The following REL variants were observed in gnomAD, a reference collection of about 807,000 sequenced individuals.
The protein encoded by REL is proto-oncogene c-Rel.
REL carries 15 observed loss-of-function variants against 45.9 expected under a neutral mutation model. The observed-to-expected ratio is 0.33, with a 90% CI of 0.22 to 0.50. The LOEUF (loss-of-function observed/expected upper bound fraction) is 0.50, where lower values mean the gene tolerates loss of function less well. Among genes scored for constraint, REL ranks in the 20% least tolerant of loss-of-function variants. The pLI, the probability that REL is intolerant of heterozygous loss-of-function variation, is 0.98. For synonymous variants in REL, 239 were observed against 242.1 expected, an observed-to-expected ratio of 0.99 and a Z score of 0.12; for missense variants, 601 against 715.2, an observed-to-expected ratio of 0.84 and a Z score of 1.82.
intron 3 of REL, among the ~76,000 whole-genome samples, chr2:60,897,847 C>G (rs893118561): frequency 1.4e-5 from 2 of 142,512 alleles, no homozygotes; most frequent in Non-Finnish European, 3.0e-5. Flanking sequence ...GGCAACAGAG[C>G]GAGATTGTAT....
In REL at chr2:60,921,708, G is replaced by A. The variant is rs148496975; in HGVS notation, c.992-55G>A. 6.8e-4 allele frequency: 995 copies of A among 1,457,452 alleles called. 8 individuals are homozygous for A. The African/African-American group carries it at 0.012, about 17-fold the overall frequency. The allele number at this position is 1,457,452 out of a possible 1,614,324, so 90.3% of individuals were successfully genotyped here. A position where few individuals can be genotyped will look rare whatever the true frequency, so the allele number is the denominator to read the frequency against. ...GCTTATGCAATTTTAATTTAGAAAT[G>A]CTTTTTATAATTTTGTTCATTTTAA... On this transcript the variant is annotated intron_variant, in intron 9 of 9. Coordinates refer to ENST00000394479, the MANE Select transcript of REL (RefSeq NM_001291746.2).
Position 60,930,971 on chromosome 2 carries a change from T to C in REL, c.*8436T>C, listed in dbSNP as rs866032309. 6.6e-6 allele frequency: 1 copy of C among 152,372 alleles called. No individual in the cohort carries two copies. Among genetic ancestry groups the C allele is most frequent in the African/African-American group, 2.4e-5 (1 of 41,470 alleles). 9.4% of individuals were successfully genotyped at this position (152,372 alleles called of 1,614,324 possible). A position where few individuals can be genotyped will look rare whatever the true frequency, so the allele number is the denominator to read the frequency against. On this transcript the variant is annotated 3_prime_UTR_variant, in exon 10 of 10. Transcript: ENST00000394479. ...GGGAAATCAGCAAGTAAATGAAATA[T>C]AAATTTTTGGTAAAAGTATCAAACA...
chr2:60,896,641 A>G (rs1441983267), intron 3 of REL, among the ~76,000 whole-genome samples: 3 of 152,206 alleles, frequency 2.0e-5, no homozygotes, highest in Admixed American at 6.5e-5. Context: ...CTAGTATTAT[A>G]CACACTTGGC....
rs1263267754 is a variant in REL at position 60,926,563 on chromosome 2, C to T, written c.*4028C>T. The T allele has an allele frequency of 1.3e-5, 3 of 231,444 alleles. No homozygotes were observed. The East Asian group carries it at 1.8e-4, about 14-fold the overall frequency. The allele number at this position is 231,444 out of a possible 1,614,324, so 14.3% of individuals were successfully genotyped here. On this transcript the variant is annotated 3_prime_UTR_variant, in exon 10 of 10. Coordinates refer to ENST00000394479, the MANE Select transcript of REL (RefSeq NM_001291746.2). ...TATTTCCCATGAGTCTTGACCCCTC[C>T]CCTCAGTTGGTGCTATTTCCCCCTA... is the stretch of plus-strand genomic sequence containing the variant.
intron 4 of REL, among the ~76,000 whole-genome samples, chr2:60,905,294 T>C (rs935264245): frequency 1.3e-5 from 2 of 152,016 alleles, no homozygotes; most frequent in African/African-American, 2.4e-5. Flanking sequence ...TGGGGTTTCA[T>C]CGTGTTAGCC....
intron 4 of REL, among the ~76,000 whole-genome samples, chr2:60,913,392 T>A (rs1242535339): frequency 1.3e-5 from 2 of 152,046 alleles, no homozygotes; most frequent in African/African-American, 4.8e-5. Flanking sequence ...CTGCAGAAAA[T>A]TTTCTTCTGG....
At chr2:60,892,913 C>T (rs879408302) in intron 2 of REL, among the ~76,000 whole-genome samples, 2 of 151,972 alleles carry the variant, frequency 1.3e-5, no homozygotes, top group African/African-American at 4.8e-5. Flanking sequence ...CCCTACCACG[C>T]CCAGCTAATT....
intron 1 of REL, among the ~76,000 whole-genome samples, chr2:60,884,446 T>TA (rs922906918): frequency 6.6e-6 from 1 of 152,162 alleles, no homozygotes; most frequent in African/African-American, 2.4e-5. Flanking sequence ...CGTTGCTTTT[T>TA]AAAAAAATTA....
Position 60,923,736 on chromosome 2 carries a change from C to T in REL, c.*1201C>T. ...CCTCTTTTGACCTCTACTATTAACG[C>T]CCTATTCCAAGCCACCATCATCTCT... On this transcript the variant is annotated 3_prime_UTR_variant, in exon 10 of 10. Coordinates refer to ENST00000394479, the MANE Select transcript of REL (RefSeq NM_001291746.2). The T allele has an allele frequency of 4.3e-6, 1 of 233,252 alleles. No homozygotes were observed. Among genetic ancestry groups the T allele is most frequent in the Non-Finnish European group, 8.5e-6 (1 of 118,046 alleles). The allele number at this position is 233,252 out of a possible 1,614,324, so 14.4% of individuals were successfully genotyped here. A position where few individuals can be genotyped will look rare whatever the true frequency, so the allele number is the denominator to read the frequency against.
Position 60,894,400 on chromosome 2 carries a change from A to G in REL, c.157A>G (p.Met53Val), listed in dbSNP as rs61732856. ...TTTAATTTCCCCCTTTTTTCAGATT[A>G]TGAACTATTATGGAAAAGGAAAAGT... ...NNRTYPSIQI[M>V]NYYGKGKVRI... Residue 53 changes from methionine (M) to valine (V), a missense_variant, in exon 3 of 10, where the codon ATG becomes GTG. Met to Val is a conservative substitution (Grantham distance 21). Coordinates refer to ENST00000394479, the MANE Select transcript of REL (RefSeq NM_001291746.2). The G allele has an allele frequency of 1.3e-6, 2 of 1,511,216 alleles. No individual in the cohort carries two copies. The highest frequency in any genetic ancestry group is 2.8e-5 in the African/African-American group (2 of 71,106). 93.6% of individuals were successfully genotyped at this position (1,511,216 alleles called of 1,614,324 possible).
chr2:60,913,263 G>T (rs1346106328), intron 4 of REL, among the ~76,000 whole-genome samples: 2 of 151,628 alleles, frequency 1.3e-5, no homozygotes, highest in East Asian at 1.9e-4. Flanking sequence ...ATTGCCTGTT[G>T]CTTTCTTTTA....
At chr2:60,894,037 A>T (rs182151018) in intron 2 of REL, among the ~76,000 whole-genome samples, 1 of 152,316 alleles carries the variant, frequency 6.6e-6, no homozygotes, top group Non-Finnish European at 1.5e-5. Context: ...TTTTCAAGGA[A>T]TGTTTATGGT....
At chr2:60,888,337 A>G (rs1204261656) in intron 1 of REL, among the ~76,000 whole-genome samples, 1 of 152,108 alleles carries the variant, frequency 6.6e-6, no homozygotes, top group African/African-American at 2.4e-5. Flanking sequence ...TCAGTTTCCC[A>G]CCAAGACACC....
In REL at chr2:60,927,298, G is replaced by A. The variant is rs556248777; in HGVS notation, c.*4763G>A. The A allele has an allele frequency of 4.3e-6, 1 of 230,854 alleles. No homozygotes were observed. Among genetic ancestry groups the A allele is most frequent in the South Asian group, 1.8e-4 (1 of 5,506 alleles). 14.3% of individuals were successfully genotyped at this position (230,854 alleles called of 1,614,324 possible). A position where few individuals can be genotyped will look rare whatever the true frequency, so the allele number is the denominator to read the frequency against. On this transcript the variant is annotated 3_prime_UTR_variant, in exon 10 of 10. Transcript: ENST00000394479. Reference sequence around the variant, plus strand: ...AGGGAAAGGTAATGATTTTCTGGCAGGAAAAGCAGCAATGACAAGATTACT... The same window carrying A: ...AGGGAAAGGTAATGATTTTCTGGCAAGAAAAGCAGCAATGACAAGATTACT...
intron 1 of REL, among the ~76,000 whole-genome samples, chr2:60,890,541 T>C (rs905022187): frequency 2.0e-5 from 3 of 152,182 alleles, no homozygotes; most frequent in Non-Finnish European, 4.4e-5. Flanking sequence ...GACACATTAT[T>C]ATTATTTTTT....
At chr2:60,896,633 A>C (rs1479412858) in intron 3 of REL, among the ~76,000 whole-genome samples, 1 of 152,194 alleles carries the variant, frequency 6.6e-6, no homozygotes, top group Non-Finnish European at 1.5e-5. Flanking sequence ...GAAAATATCT[A>C]GTATTATACA....
At chr2:60,904,874 A>G (rs1673598963) in intron 4 of REL, among the ~76,000 whole-genome samples, 1 of 152,192 alleles carries the variant, frequency 6.6e-6, no homozygotes, top group Non-Finnish European at 1.5e-5. Flanking sequence ...TGAGCGACGG[A>G]ACAAGACCCC....
chr2:60,881,786 C>T lies in REL; in HGVS notation c.-55C>T. The T allele has an allele frequency of 1.3e-6, 2 of 1,520,218 alleles. No homozygotes were observed. The highest frequency in any genetic ancestry group is 1.8e-6 in the Non-Finnish European group (2 of 1,132,264). 94.2% of individuals were successfully genotyped at this position (1,520,218 alleles called of 1,614,324 possible). A position where few individuals can be genotyped will look rare whatever the true frequency, so the allele number is the denominator to read the frequency against. On this transcript the variant is annotated 5_prime_UTR_variant, in exon 1 of 10. Transcript: ENST00000394479. ...GGCCTCCTGACTGACTGACTGCGGC[C>T]GCCTCCGGCCAGGACGCTGGGAGCT...
intron 9 of REL, among the ~76,000 whole-genome samples, chr2:60,920,929 C>T (rs773457370): frequency 3.3e-5 from 5 of 151,792 alleles, no homozygotes; most frequent in Non-Finnish European, 7.4e-5. Flanking sequence ...TGGTTAGTTA[C>T]CTGTTTTTAT....
Sources: allele counts gnomAD v4.1 joint callset (sites outside exome capture counted in the v4.1 genomes callset), GRCh38; gene constraint gnomAD v4.1.1; transcripts MANE v1.5; gene names NCBI Gene and HGNC (gene_info 2026-07-23, HGNC 2026-07-21).